CACNA1D: variants seen among roughly 807,000 people sequenced by gnomAD.
CACNA1D encodes the protein calcium voltage-gated channel subunit alpha1 D, also known as voltage-dependent L-type calcium channel subunit alpha-1D.
A neutral mutation model predicts 257.1 loss-of-function variants in CACNA1D; 55 were observed. The observed-to-expected ratio is 0.21, with a 90% CI of 0.17 to 0.27. The LOEUF is 0.27. Among genes scored for constraint, CACNA1D ranks in the 10% least tolerant of loss-of-function variants. The pLI is 1.00. For synonymous variants in CACNA1D, 980 were observed against 1,014.9 expected (o/e 0.97, Z 0.65); for missense variants, 1,876 against 2,784.0 (o/e 0.67, Z 7.34).
intron 3 of CACNA1D, among the ~76,000 whole-genome samples, chr3:53,520,993 T>C (rs986265807): frequency 2.0e-5 from 3 of 151,592 alleles, no homozygotes; most frequent in African/African-American, 7.3e-5. Context: ...TTTCCTTTTC[T>C]TTCTTTCTTC....
chr3:53,568,084 T>C (rs537854161), intron 3 of CACNA1D, among the ~76,000 whole-genome samples: 1 of 152,212 alleles, frequency 6.6e-6, no homozygotes, highest in Admixed American at 6.5e-5. Context: ...TTGGATCAAA[T>C]GAGATCATGT....
At chr3:53,686,611 A>G (rs1274985266) in intron 8 of CACNA1D, among the ~76,000 whole-genome samples, 1 of 152,124 alleles carries the variant, frequency 6.6e-6, no homozygotes, top group Non-Finnish European at 1.5e-5. Flanking sequence ...GACATTACTA[A>G]CAATATTCTA....
At chr3:53,804,851 C>T in intron 44 of CACNA1D, 132 bp from the exon 45 acceptor site, 1 of 873,360 alleles carries the variant, frequency 1.1e-6, no homozygotes, top group Non-Finnish European at 1.9e-6. Flanking sequence ...AAACTGAGGC[C>T]AGCCTTGTTC....
chr3:53,795,878 G>A (rs1292803137), intron 40 of CACNA1D, among the ~76,000 whole-genome samples: 1 of 152,198 alleles, frequency 6.6e-6, no homozygotes, highest in Non-Finnish European at 1.5e-5. Context: ...CCCTAGGGGA[G>A]CTTGTGGGGG....
intron 40 of CACNA1D, among the ~76,000 whole-genome samples, chr3:53,796,727 C>CAA (rs1326073206): frequency 6.6e-6 from 1 of 152,164 alleles, no homozygotes; most frequent in South Asian, 2.1e-4. Flanking sequence ...AAGCAGCAGT[C>CAA]TACAGGCAAA....
chr3:53,767,565 CAAA>C (rs397792487), intron 30 of CACNA1D, among the ~76,000 whole-genome samples: 2 of 130,444 alleles, frequency 1.5e-5, no homozygotes, highest in Admixed American at 7.6e-5. Context: ...GACTCTATCT[CAAA>C]AAAAAAAAAA....
chr3:53,558,106 A>G (rs897259744), intron 3 of CACNA1D, among the ~76,000 whole-genome samples: 6 of 152,222 alleles, frequency 3.9e-5, no homozygotes, highest in Admixed American at 3.3e-4. Context: ...CACGTTCTTC[A>G]TATAAATCCC....
intron 7 of CACNA1D, among the ~76,000 whole-genome samples, chr3:53,668,514 G>C (rs2094291795): frequency 6.6e-6 from 1 of 152,136 alleles, no homozygotes; most frequent in Non-Finnish European, 1.5e-5. Context: ...TCTTTATTCT[G>C]GTGGGGATCT....
At chr3:53,543,593 A>G (rs2092350541) in intron 3 of CACNA1D, among the ~76,000 whole-genome samples, 1 of 152,256 alleles carries the variant, frequency 6.6e-6, no homozygotes, top group African/African-American at 2.4e-5. Context: ...AATAGCTAAC[A>G]TTTATTGATT....
At position 53,651,366 on chromosome 3, in the gene CACNA1D, C is replaced by CTTTTTTTTTTT. The variant is rs779207160; in HGVS notation, c.623+460_623+470dup. On this transcript the variant is annotated intron_variant, in intron 4 of 47. Coordinates refer to ENST00000350061, the MANE Select transcript of CACNA1D (RefSeq NM_001128840.3). ...TCCCTTGAGCAAAGCTATTAATTTT[C>CTTTTTTTTTTT]TTTTTTTTTTTTTTTTTTTTTTGCT... Among the ~76,000 whole-genome samples, 481 of 81,826 alleles carry CTTTTTTTTTTT rather than the reference C, an allele frequency of 5.9e-3. 47 individuals are homozygous for CTTTTTTTTTTT. The highest frequency in any genetic ancestry group is 6.9e-3 in the Non-Finnish European group (303 of 43,604). The allele number at this position is 81,826 out of a possible 152,430, so 53.7% of individuals were successfully genotyped here.
intron 3 of CACNA1D, among the ~76,000 whole-genome samples, chr3:53,547,873 C>T (rs546508157): frequency 1.2e-4 from 18 of 152,264 alleles, no homozygotes; most frequent in African/African-American, 4.3e-4. Context: ...CCTCTAACAT[C>T]GTTTCCCCAC....
At position 53,787,516 on chromosome 3, in the gene CACNA1D, T is replaced by C. The variant is rs2095461661; in HGVS notation, c.4923+564T>C. Among the ~76,000 whole-genome samples the C allele has an allele frequency of 3.3e-5, 5 of 151,906 alleles. 1 individual carries two copies. Among genetic ancestry groups the C allele is most frequent in the Admixed American group, 3.3e-4 (5 of 15,238 alleles). On this transcript the variant is annotated intron_variant, in intron 40 of 47. Coordinates refer to ENST00000350061, the MANE Select transcript of CACNA1D (RefSeq NM_001128840.3). ...GTCTCCTGATGGCCAGGAGGCCAGCTGTGCACATGCTATGCTCTCATGCCC... is the reference window on the plus strand; with the variant it reads ...GTCTCCTGATGGCCAGGAGGCCAGCCGTGCACATGCTATGCTCTCATGCCC...
At chr3:53,636,210 C>A (rs1210996798) in intron 3 of CACNA1D, among the ~76,000 whole-genome samples, 1 of 152,052 alleles carries the variant, frequency 6.6e-6, no homozygotes, top group Non-Finnish European at 1.5e-5. Context: ...TTGTGTTTTT[C>A]AACTTTTTTT....
intron 3 of CACNA1D, among the ~76,000 whole-genome samples, chr3:53,634,624 G>A (rs2093860374): frequency 6.6e-6 from 1 of 152,154 alleles, no homozygotes; most frequent in Non-Finnish European, 1.5e-5. Flanking sequence ...GTTTTTAAGA[G>A]GTACCCCTGT....
chr3:53,567,126 C>A (rs1231421035), intron 3 of CACNA1D, among the ~76,000 whole-genome samples: 2 of 152,146 alleles, frequency 1.3e-5, no homozygotes, highest in Non-Finnish European at 1.5e-5. Flanking sequence ...AGAAAAGGGA[C>A]CAGCCATATT....
intron 3 of CACNA1D, among the ~76,000 whole-genome samples, chr3:53,560,868 A>C (rs1026351737): frequency 3.3e-5 from 5 of 152,112 alleles, no homozygotes; most frequent in Non-Finnish European, 7.3e-5. Context: ...CTGATCAACA[A>C]CTCCTCTTGA....
At chr3:53,802,627 C>T (rs2095541983) in intron 43 of CACNA1D, among the ~76,000 whole-genome samples, 2 of 152,220 alleles carry the variant, frequency 1.3e-5, no homozygotes, top group South Asian at 4.1e-4. Flanking sequence ...ATATTCCACT[C>T]CACATGTATT....
intron 3 of CACNA1D, among the ~76,000 whole-genome samples, chr3:53,557,632 T>C (rs1444064769): frequency 6.6e-6 from 1 of 152,262 alleles, no homozygotes; most frequent in Non-Finnish European, 1.5e-5. Flanking sequence ...GAAAAGCCTA[T>C]CCTTTCTCAA....
At chr3:53,596,324 G>A (rs1403676430) in intron 3 of CACNA1D, among the ~76,000 whole-genome samples, 10 of 152,102 alleles carry the variant, frequency 6.6e-5, no homozygotes, top group African/African-American at 2.4e-4. Flanking sequence ...GTACCCATGA[G>A]TGTGAGGAAG....
Sources: gnomAD v4.1 joint callset for allele counts (sites outside exome capture counted in the v4.1 genomes callset) on GRCh38, gnomAD v4.1.1 for gene constraint, MANE v1.5 for transcripts, NCBI Gene and HGNC (gene_info 2026-07-23, HGNC 2026-07-21) for gene names.